EIF2D: variants seen among roughly 807,000 people sequenced by gnomAD.
EIF2D encodes eukaryotic translation initiation factor 2D.
In EIF2D, 56 loss-of-function variants were observed where a neutral mutation model predicts 77.4. The ratio of observed to expected loss-of-function variants is 0.72; its 90% CI spans 0.58 to 0.90. The LOEUF (loss-of-function observed/expected upper bound fraction) is 0.90, where lower values mean the gene tolerates loss of function less well. Ranked by LOEUF, EIF2D falls within the 40% of genes least tolerant of loss-of-function variation. The probability of loss-of-function intolerance (pLI) is 0.00; values close to 1 mark genes in which losing one functional copy is unlikely to be tolerated. For missense variants in EIF2D, 574 were observed against 706.5 expected (o/e 0.81, Z 2.13); for synonymous variants, 230 against 271.0 (o/e 0.85, Z 1.49).
At chr1:206,609,294 G>C in intron 3 of EIF2D, 82 bp downstream of exon 3, 1 of 1,360,820 alleles carries the variant, frequency 7.3e-7, no homozygotes, top group Non-Finnish European at 1.0e-6. Flanking sequence ...AAAAACACAG[G>C]AAATGGGTAA....
At chr1:206,577,262 G>A (rs782057639) in intron 4 of EIF2D, among the ~76,000 whole-genome samples, 3 of 152,128 alleles carry the variant, frequency 2.0e-5, no homozygotes, top group Admixed American at 6.5e-5. Context: ...CCAACCACTG[G>A]TGCAGAGAAA....
At chr1:206,608,477 C>CA (rs1670307204) in intron 3 of EIF2D, 151 bp from the exon 4 acceptor site, 1 of 651,576 alleles carries the variant, frequency 1.5e-6, no homozygotes, top group Admixed American at 3.3e-5. Context: ...CAACTTCCAA[C>CA]AAAAAAATAG....
intron 5 of EIF2D, chr1:206,572,472 A>G (rs2103553925): frequency 6.6e-6 from 1 of 152,360 alleles, no homozygotes; most frequent in Middle Eastern, 3.4e-3. Context: ...GAGTCTGTCC[A>G]GACCTGGGGC....
chr1:206,611,038 C>A, intron 2 of EIF2D, 146 bp downstream of exon 2: 1 of 716,178 alleles, frequency 1.4e-6, no homozygotes, highest in Non-Finnish European at 2.2e-6. Context: ...ATTCTAGGAA[C>A]ACCAGGTCCA....
At chr1:206,585,257 A>T in intron 2 of EIF2D, 1 of 1,614,144 alleles carries the variant, frequency 6.2e-7, no homozygotes. Flanking sequence ...GGAGGTCCTC[A>T]GCTTTGTGCT....
Position 206,592,148 on chromosome 1 carries a change from CACATAAAGAGGCTCAACTCTAGAAGTT to C in EIF2D, c.1685-330_1685-304del, listed in dbSNP as rs1378448558. ...TCTCAGTACCTTGTATGGGGTTCTT[CACATAAAGAGGCTCAACTCTAGAAGTT>C]AACTGTCAGGTACTGCCATAGGCCA... On this transcript the variant is annotated intron_variant, in intron 14 of 14. Coordinates refer to ENST00000271764, the MANE Select transcript of EIF2D (RefSeq NM_006893.3). The surrounding 1 kb of genome is among the most constrained non-coding windows in gnomAD (Gnocchi z 4.7). Among the ~76,000 whole-genome samples, 1 of 152,206 alleles carries C rather than the reference CACATAAAGAGGCTCAACTCTAGAAGTT, an allele frequency of 6.6e-6. No homozygotes were observed. Among genetic ancestry groups the C allele is most frequent in the Non-Finnish European group, 1.5e-5 (1 of 68,030 alleles).
At chr1:206,581,369 G>A (rs1436237515) in intron 2 of EIF2D, among the ~76,000 whole-genome samples, 4 of 152,118 alleles carry the variant, frequency 2.6e-5, no homozygotes, top group African/African-American at 2.4e-5. Flanking sequence ...AGGCCAAGGC[G>A]GATGGATCAT....
At chr1:206,602,517 C>T (rs1259097828) in intron 6 of EIF2D, 64 bp from the exon 7 acceptor site, 16 of 1,417,470 alleles carry the variant, frequency 1.1e-5, no homozygotes, top group African/African-American at 2.8e-5. Flanking sequence ...TACAAGAAAA[C>T]GACCCCCAGC....
chr1:206,593,514 T>TGTGCGC, intron 14 of EIF2D, 105 bp downstream of exon 14: 1 of 657,922 alleles, frequency 1.5e-6, no homozygotes, highest in Non-Finnish European at 2.5e-6. Flanking sequence ...AGAGAGTGTG[T>TGTGCGC]GTGTGTGTGT....
In EIF2D at chr1:206,593,785, C is replaced by G. The variant is rs1553409525; in HGVS notation, c.1518G>C (p.Val506=). The change falls in exon 14 of 15, where the codon GTG becomes GTC. Residue 506 remains valine, a synonymous_variant. Coordinates refer to ENST00000271764, the MANE Select transcript of EIF2D (RefSeq NM_006893.3). ...AQRASNKKVT[V]VRNLEAYGLD... is the part of the protein sequence containing the mutation. ...GACCATAGGCCTCCAAGTTCCGGAC[C>G]ACGGTCACCTGGGGGGACAGTGGGG... 1.3e-6 allele frequency: 2 copies of G among 1,599,538 alleles called. No individual in the cohort carries two copies. The highest frequency in any genetic ancestry group is 1.7e-6 in the Non-Finnish European group (2 of 1,169,428).
At chr1:206,571,117 T>A (rs970286882), downstream of EIF2D, among the ~76,000 whole-genome samples, 1 of 152,214 alleles carries the variant, frequency 6.6e-6, no homozygotes, top group Non-Finnish European at 1.5e-5. Flanking sequence ...TTATTGTTTT[T>A]ATTAATAAGC....
intron 4 of EIF2D, among the ~76,000 whole-genome samples, chr1:206,578,232 A>AGTGTG (rs1553405555): frequency 0.011 from 1,471 of 130,460 alleles, 23 homozygotes; most frequent in African/African-American, 0.039. Context: ...CAAAAAAAAA[A>AGTGTG]AGTGTGTGTG....
intron 13 of EIF2D, chr1:206,595,440 T>C (rs782214536): frequency 2.6e-5 from 6 of 231,104 alleles, no homozygotes; most frequent in Non-Finnish European, 5.1e-5. Context: ...GTCCATAACA[T>C]AGTTCTAAGA....
chr1:206,588,137 G>T (rs1553408079), downstream of EIF2D: 1 of 152,808 alleles, frequency 6.5e-6, no homozygotes, highest in African/African-American at 2.4e-5. Flanking sequence ...GTGCCTTTTT[G>T]TTTTCAGAGA....
downstream of EIF2D, among the ~76,000 whole-genome samples, chr1:206,570,978 G>T (rs574801650): frequency 6.6e-6 from 1 of 152,118 alleles, no homozygotes; most frequent in Non-Finnish European, 1.5e-5. Flanking sequence ...GGATCACATG[G>T]TAATTCTGTT....
rs529181076 is a variant in EIF2D, at chr1:206,581,562, G to A, written c.139-400C>T. 4.6e-5 allele frequency among the ~76,000 whole-genome samples: 7 copies of A among 152,014 alleles called. No homozygotes were observed. The South Asian group carries it at 1.2e-3, about 27-fold the overall frequency. On this transcript the variant is annotated intron_variant and NMD_transcript_variant, in intron 2 of 5. Coordinates refer to the EIF2D transcript ENST00000472709. ...TGCAGTCAGCCAAGATCGTGCCACT[G>A]CATTCCAGCCTGGGTGACAGAGGGA...
intron 6 of EIF2D, 153 bp downstream of exon 6, chr1:206,602,798 G>T: frequency 1.8e-6 from 2 of 1,140,128 alleles, no homozygotes; most frequent in Non-Finnish European, 2.5e-6. Flanking sequence ...AACAAGATGT[G>T]AAAGGGCTGC....
In EIF2D at chr1:206,599,086, C is replaced by T; in HGVS notation, c.1209G>A (p.Gly403=). The T allele has an allele frequency of 6.2e-7, 1 of 1,614,080 alleles. No individual in the cohort carries two copies. Among genetic ancestry groups the T allele is most frequent in the Non-Finnish European group, 8.5e-7 (1 of 1,179,982 alleles). The change falls in exon 11 of 15, where the codon GGG becomes GGA. Residue 403 remains glycine, a synonymous_variant. Coordinates refer to ENST00000271764, the MANE Select transcript of EIF2D (RefSeq NM_006893.3). The surrounding 1 kb of genome is among the most constrained non-coding windows in gnomAD (Gnocchi z 4.1). The part of the protein sequence containing the change: ...LLFQESGHKK[G]SFLEGSEVRT... Reference sequence around the variant, plus strand: ...GGACCTCACTGCCCTCCAGAAAGCTCCCCTTCCTAGGTGAGGAGAAGTGAC... The same window carrying T: ...GGACCTCACTGCCCTCCAGAAAGCTTCCCTTCCTAGGTGAGGAGAAGTGAC...
chr1:206,609,459 A>G lies in EIF2D; in HGVS notation c.248T>C (p.Val83Ala), dbSNP rs782088220. ...FELEKNLYPTVYTLWSYPDLL... is the reference protein window; with the variant it reads ...FELEKNLYPTAYTLWSYPDLL... ...ATCAGGATAGGACCACAGCGTGTAC[A>G]CTGTACAAAAAGAGATCCAGAAAAC... The change falls in exon 3 of 15, where the codon GTG becomes GCG. Residue 83 changes from valine to alanine, a missense_variant and splice_region_variant. By Grantham distance (64) the Val-to-Ala change is moderately conservative. Coordinates refer to ENST00000271764, the MANE Select transcript of EIF2D (RefSeq NM_006893.3). 6.2e-7 allele frequency: 1 copy of G among 1,613,042 alleles called. No homozygotes were observed. The highest frequency in any genetic ancestry group is 8.5e-7 in the Non-Finnish European group (1 of 1,179,614).
Sources: gnomAD v4.1 joint callset for allele counts (sites outside exome capture counted in the v4.1 genomes callset) on GRCh38, gnomAD v4.1.1 for gene constraint, Gnocchi (gnomAD v3.1) non-coding constraint, MANE v1.5 for transcripts, NCBI Gene and HGNC (gene_info 2026-07-23, HGNC 2026-07-21) for gene names.